PTPN2: variants seen among roughly 807,000 people sequenced by gnomAD.
PTPN2 encodes protein tyrosine phosphatase non-receptor type 2, also known as tyrosine-protein phosphatase non-receptor type 2.
PTPN2 carries 19 observed loss-of-function variants against 57.3 expected under a neutral mutation model. That is an observed-to-expected ratio of 0.33 (90% CI 0.23 to 0.49). The LOEUF is 0.49. PTPN2 is among the 20% of genes least tolerant of loss of function. The pLI, the probability that PTPN2 is intolerant of heterozygous loss-of-function variation, is 0.99. For synonymous variants in PTPN2, 153 were observed against 164.9 expected (o/e 0.93, Z 0.55); for missense variants, 358 against 501.1 (o/e 0.71, Z 2.73).
At chr18:12,788,432 CTTTTTTT>C (rs71174142), downstream of PTPN2, among the ~76,000 whole-genome samples, 9 of 90,110 alleles carry the variant, frequency 1.0e-4, no homozygotes, top group African/African-American at 3.7e-4. Flanking sequence ...GGGATCAGGG[CTTTTTTT>C]TTTTTTTTTT....
intron 1 of PTPN2, among the ~76,000 whole-genome samples, chr18:12,865,403 C>A (rs2043956173): frequency 6.6e-6 from 1 of 150,836 alleles, no homozygotes; most frequent in Non-Finnish European, 1.5e-5. Flanking sequence ...CCACTGCATG[C>A]CAGCCTGGAC....
intron 2 of PTPN2, among the ~76,000 whole-genome samples, chr18:12,851,937 A>T (rs1260873158): frequency 6.6e-6 from 1 of 152,202 alleles, no homozygotes; most frequent in Non-Finnish European, 1.5e-5. Context: ...AATGAAATAA[A>T]CCAGTCGCAG....
At chr18:12,875,545 A>T (rs192518611) in intron 1 of PTPN2, among the ~76,000 whole-genome samples, 1 of 152,344 alleles carries the variant, frequency 6.6e-6, no homozygotes, top group Admixed American at 6.5e-5. Flanking sequence ...AGTTGGTTTA[A>T]ATATCCTCTG....
At chr18:12,807,859 T>G (rs1447835091) in intron 7 of PTPN2, among the ~76,000 whole-genome samples, 1 of 151,732 alleles carries the variant, frequency 6.6e-6, no homozygotes, top group Non-Finnish European at 1.5e-5. Context: ...TTCTGGTGTT[T>G]TACTGCACAG....
intron 2 of PTPN2, among the ~76,000 whole-genome samples, chr18:12,852,808 T>C (rs2043443856): frequency 6.6e-6 from 1 of 152,282 alleles, no homozygotes; most frequent in South Asian, 2.1e-4. Flanking sequence ...ATGTTAAGAT[T>C]GTTTAAAAAT....
intron 2 of PTPN2, among the ~76,000 whole-genome samples, chr18:12,847,936 G>C (rs1219883125): frequency 6.7e-6 from 1 of 149,472 alleles, no homozygotes; most frequent in African/African-American, 2.5e-5. Context: ...AAAAATTGAA[G>C]ATAGAACTAA....
intron 1 of PTPN2, chr18:12,883,471 T>C (rs1476294912): frequency 6.6e-6 from 1 of 151,890 alleles, no homozygotes; most frequent in Non-Finnish European, 1.5e-5. Flanking sequence ...AGAGCGAGCT[T>C]CGCCTCGCAG....
chr18:12,838,839 TCA>T (rs1212162321), intron 2 of PTPN2, among the ~76,000 whole-genome samples: 14 of 151,894 alleles, frequency 9.2e-5, no homozygotes, highest in Non-Finnish European at 1.5e-5. Flanking sequence ...AATACCTACA[TCA>T]CTAGATATTA....
At chr18:12,848,505 G>A (rs1373572310) in intron 2 of PTPN2, among the ~76,000 whole-genome samples, 1 of 152,218 alleles carries the variant, frequency 6.6e-6, no homozygotes, top group Non-Finnish European at 1.5e-5. Flanking sequence ...GGTCACAAAA[G>A]GCAATGAAGC....
intron 3 of PTPN2, among the ~76,000 whole-genome samples, chr18:12,832,455 T>C (rs1268838066): frequency 1.3e-5 from 2 of 152,172 alleles, no homozygotes; most frequent in Non-Finnish European, 2.9e-5. Context: ...CTCCTTGGTA[T>C]GTAGCAGATA....
intron 2 of PTPN2, among the ~76,000 whole-genome samples, chr18:12,846,619 T>C (rs1047587916): frequency 2.0e-5 from 3 of 152,314 alleles, no homozygotes; most frequent in Non-Finnish European, 4.4e-5. Context: ...TTCTTACACT[T>C]TCCCTGTCGC....
intron 5 of PTPN2, among the ~76,000 whole-genome samples, chr18:12,823,519 CAAA>C (rs970770943): frequency 6.6e-6 from 1 of 151,784 alleles, no homozygotes; most frequent in Non-Finnish European, 1.5e-5. Context: ...ACTAAAAATA[CAAA>C]AAATTAGCCA....
At chr18:12,792,118 G>GTACTT, downstream of PTPN2, 2 of 691,568 alleles carry the variant, frequency 2.9e-6, no homozygotes, top group Non-Finnish European at 3.6e-6. Flanking sequence ...CAAGGTTACA[G>GTACTT]GACACAGTAA....
Position 12,793,168 on chromosome 18 carries a change from G to A in PTPN2, c.*1110C>T. ...ACTGAATGGAATGTTGAAATCTGAG[G>A]AAAGCTAGCATTCAAATGAGCAGTT... On this transcript the variant is annotated 3_prime_UTR_variant, in exon 9 of 9. Coordinates refer to ENST00000309660, the MANE Select transcript of PTPN2 (RefSeq NM_002828.4). The A allele has an allele frequency of 1.0e-6, 1 of 985,220 alleles. No individual in the cohort carries two copies. The highest frequency in any genetic ancestry group is 1.2e-6 in the Non-Finnish European group (1 of 829,696). 61.0% of individuals were successfully genotyped at this position (985,220 alleles called of 1,614,324 possible).
chr18:12,837,770 T>C (rs2042916580), intron 2 of PTPN2, among the ~76,000 whole-genome samples: 1 of 149,726 alleles, frequency 6.7e-6, no homozygotes. Flanking sequence ...CAGTCTCTCC[T>C]TACTTTTAAA....
rs139084867 is a variant in PTPN2, at chr18:12,836,214, C to G, written c.261+577G>C. Among the ~76,000 whole-genome samples the G allele has an allele frequency of 5.3e-3, 809 of 152,328 alleles. 5 individuals are homozygous for G. Among genetic ancestry groups the G allele is most frequent in the African/African-American group, 0.019 (775 of 41,578 alleles). Reference sequence around the variant, plus strand: ...TACACAAAAATCTCTCCTACTATCTCAGAATGGAAGGAAGAATCATGCTTG... The same window carrying G: ...TACACAAAAATCTCTCCTACTATCTGAGAATGGAAGGAAGAATCATGCTTG... On this transcript the variant is annotated intron_variant, in intron 3 of 8. Transcript: ENST00000309660.
intron 8 of PTPN2, among the ~76,000 whole-genome samples, chr18:12,796,350 T>C (rs1190557928): frequency 6.6e-6 from 1 of 152,240 alleles, no homozygotes; most frequent in East Asian, 1.9e-4. Context: ...CTGAATTGTA[T>C]ACTTTAAATG....
rs540981674 is a variant in PTPN2 at position 12,792,967 on chromosome 18, G to C, written c.*1311C>G. On this transcript the variant is annotated 3_prime_UTR_variant, in exon 9 of 9. Coordinates refer to ENST00000309660, the MANE Select transcript of PTPN2 (RefSeq NM_002828.4). ...AGAAATCTTATGTGGCATATAAAGAGACAAGGCAGAGATGCTGTGGTTGAA... is the reference window on the plus strand; with the variant it reads ...AGAAATCTTATGTGGCATATAAAGACACAAGGCAGAGATGCTGTGGTTGAA... 2.0e-5 allele frequency: 20 copies of C among 984,280 alleles called. No homozygotes were observed. In the African/African-American group the frequency reaches 3.1e-4, roughly 15 times the overall value. 61.0% of individuals were successfully genotyped at this position (984,280 alleles called of 1,614,324 possible). A position where few individuals can be genotyped will look rare whatever the true frequency, so the allele number is the denominator to read the frequency against.
At chr18:12,811,628 C>T (rs2041892329) in intron 7 of PTPN2, among the ~76,000 whole-genome samples, 2 of 152,180 alleles carry the variant, frequency 1.3e-5, no homozygotes, top group Admixed American at 1.3e-4. Flanking sequence ...CAGACTCACT[C>T]GTGCCTATGT....
Sources: allele counts gnomAD v4.1 joint callset (sites outside exome capture counted in the v4.1 genomes callset), GRCh38; gene constraint gnomAD v4.1.1; transcripts MANE v1.5; gene names NCBI Gene and HGNC (gene_info 2026-07-23, HGNC 2026-07-21).